The following ARHGAP26 variants were observed in gnomAD, a reference collection of about 807,000 sequenced individuals.
ARHGAP26 encodes the protein rho GTPase-activating protein 26.
ARHGAP26 carries 38 observed loss-of-function variants against 104.8 expected under a neutral mutation model. The observed-to-expected ratio is 0.36, with a 90% CI of 0.28 to 0.48. The LOEUF (loss-of-function observed/expected upper bound fraction) is 0.48. Ranked by LOEUF, ARHGAP26 falls within the 20% of genes least tolerant of loss-of-function variation. ARHGAP26 has a pLI of 0.99. For synonymous variants in ARHGAP26, 341 were observed against 340.0 expected, an observed-to-expected ratio of 1.00 and a Z score of -0.03; for missense variants, 704 against 947.9, an observed-to-expected ratio of 0.74 and a Z score of 3.38.
intron 20 of ARHGAP26, among the ~76,000 whole-genome samples, chr5:143,156,396 C>G (rs1800464908): frequency 6.6e-6 from 1 of 152,188 alleles, no homozygotes; most frequent in Non-Finnish European, 1.5e-5. Context: ...TTACACTGGT[C>G]TTCCAAGGCA....
rs528178799 is a variant in ARHGAP26 at position 142,812,487 on chromosome 5, G to A, written c.154+41572G>A. ...CGAGTAGCTGGGATTACAGGTGTGCGCCACCATGCCCGGCTAATTTTTGTA... is the reference window on the plus strand; with the variant it reads ...CGAGTAGCTGGGATTACAGGTGTGCACCACCATGCCCGGCTAATTTTTGTA... On this transcript the variant is annotated intron_variant, in intron 1 of 22. Transcript: ENST00000645722. Among the ~76,000 whole-genome samples, 148 of 152,062 alleles carry A rather than the reference G, an allele frequency of 9.7e-4. 1 individual carries two copies. Among genetic ancestry groups the A allele is most frequent in the African/African-American group, 3.4e-3 (142 of 41,486 alleles).
chr5:142,866,299 G>A (rs1024631282), intron 1 of ARHGAP26, among the ~76,000 whole-genome samples: 1 of 152,154 alleles, frequency 6.6e-6, no homozygotes, highest in Admixed American at 6.5e-5. Flanking sequence ...TAGTGTAGTA[G>A]TTAAGAGTTT....
At chr5:143,149,613 G>A (rs1366680712) in intron 20 of ARHGAP26, among the ~76,000 whole-genome samples, 6 of 152,184 alleles carry the variant, frequency 3.9e-5, no homozygotes, top group Admixed American at 2.0e-4. Flanking sequence ...TTGATTCTGA[G>A]AAATCTGTCG....
intron 17 of ARHGAP26, among the ~76,000 whole-genome samples, chr5:143,088,654 A>C (rs950522830): frequency 6.6e-6 from 1 of 152,226 alleles, no homozygotes; most frequent in Non-Finnish European, 1.5e-5. Context: ...TTTCTTTATA[A>C]TTCTCAGCAA....
chr5:143,105,041 G>A (rs1562433774), intron 17 of ARHGAP26, among the ~76,000 whole-genome samples: 1 of 151,870 alleles, frequency 6.6e-6, no homozygotes, highest in African/African-American at 2.4e-5. Flanking sequence ...TCCCCCTAAC[G>A]ATAGCACTGA....
In ARHGAP26 at chr5:143,225,560, C is replaced by G. The variant is rs911219689; in HGVS notation, c.*3114C>G. On this transcript the variant is annotated 3_prime_UTR_variant, in exon 23 of 23. Transcript: ENST00000645722. ...GGAGCTCATGTGGAGGAACAGAAGG[C>G]CAAGATCCTTGCTTTGGGGGTGCCT... 4 of 211,826 alleles carry G rather than the reference C, an allele frequency of 1.9e-5. No homozygotes were observed. The East Asian group carries it at 2.8e-4, about 15-fold the overall frequency. The allele number at this position is 211,826 out of a possible 1,614,324, so 13.1% of individuals were successfully genotyped here.
At chr5:143,222,125 A>C (rs1367715968) in intron 22 of ARHGAP26, among the ~76,000 whole-genome samples, 1 of 152,196 alleles carries the variant, frequency 6.6e-6, no homozygotes, top group Non-Finnish European at 1.5e-5. Flanking sequence ...ATTGTAAAGA[A>C]AGTTCAGGAC....
At chr5:142,962,046 C>T (rs55760974) in intron 11 of ARHGAP26, among the ~76,000 whole-genome samples, 1 of 152,150 alleles carries the variant, frequency 6.6e-6, no homozygotes, top group African/African-American at 2.4e-5. Context: ...GTGTTTGGTA[C>T]TGAGACTGAG....
At chr5:142,844,176 G>C (rs1006108412) in intron 1 of ARHGAP26, among the ~76,000 whole-genome samples, 6 of 150,666 alleles carry the variant, frequency 4.0e-5, no homozygotes, top group Admixed American at 1.3e-4. Flanking sequence ...TCAGCCTCCT[G>C]AGTAGCTGGG....
Position 142,865,139 on chromosome 5 carries a change from C to T in ARHGAP26, c.155-8261C>T, listed in dbSNP as rs1016088998. Among the ~76,000 whole-genome samples, 4 of 152,230 alleles carry T rather than the reference C, an allele frequency of 2.6e-5. No homozygotes were observed. In the South Asian group the frequency reaches 6.2e-4, roughly 24 times the overall value. Reference sequence around the variant, plus strand: ...CATGTGAATGCAGTTGTTCTAAATACAGTACCTCAGTTCTCTGTGCCAGGG... The same window carrying T: ...CATGTGAATGCAGTTGTTCTAAATATAGTACCTCAGTTCTCTGTGCCAGGG... On this transcript the variant is annotated intron_variant, in intron 1 of 22. Coordinates refer to ENST00000645722, the MANE Select transcript of ARHGAP26 (RefSeq NM_001135608.3).
chr5:143,037,821 C>T (rs1782873803), intron 13 of ARHGAP26, among the ~76,000 whole-genome samples: 1 of 152,192 alleles, frequency 6.6e-6, no homozygotes. Context: ...CACAGACACC[C>T]TAAATTTTCT....
intron 1 of ARHGAP26, among the ~76,000 whole-genome samples, chr5:142,856,243 C>T (rs1597928556): frequency 6.6e-6 from 1 of 152,150 alleles, no homozygotes; most frequent in Admixed American, 6.5e-5. Context: ...GGGCCATGTG[C>T]GTGAAGCCAC....
intron 1 of ARHGAP26, among the ~76,000 whole-genome samples, chr5:142,844,473 C>T (rs975758970): frequency 6.6e-6 from 1 of 151,484 alleles, no homozygotes; most frequent in Non-Finnish European, 1.5e-5. Context: ...AAGTTCAGGA[C>T]AATTTCCCAA....
At chr5:142,963,251 A>C (rs1770725986) in intron 11 of ARHGAP26, among the ~76,000 whole-genome samples, 1 of 140,926 alleles carries the variant, frequency 7.1e-6, no homozygotes, top group African/African-American at 2.8e-5. Flanking sequence ...ATTTTCTTTA[A>C]CCTGTCATTG....
intron 8 of ARHGAP26, 86 bp downstream of exon 8, chr5:142,903,755 A>G: frequency 4.4e-6 from 6 of 1,367,294 alleles, no homozygotes; most frequent in Non-Finnish European, 5.9e-6. Flanking sequence ...TGCCTACCTT[A>G]CTGTAGATAC....
chr5:142,972,908 A>G (rs894040087), intron 11 of ARHGAP26, among the ~76,000 whole-genome samples: 4 of 150,442 alleles, frequency 2.7e-5, no homozygotes, highest in Admixed American at 2.6e-4. Flanking sequence ...ATCATGCAAT[A>G]TTGTTATTAT....
At chr5:142,960,878 C>T (rs967183869) in intron 11 of ARHGAP26, among the ~76,000 whole-genome samples, 1 of 152,164 alleles carries the variant, frequency 6.6e-6, no homozygotes, top group Non-Finnish European at 1.5e-5. Context: ...CTTCAGTGTT[C>T]TTCAGTTTTT....
At chr5:142,967,626 A>G (rs1341914059) in intron 11 of ARHGAP26, among the ~76,000 whole-genome samples, 2 of 152,226 alleles carry the variant, frequency 1.3e-5, no homozygotes, top group Non-Finnish European at 2.9e-5. Flanking sequence ...CTAAAAATAC[A>G]TCAGTATTCT....
At chr5:143,078,638 A>T (rs971299313) in intron 17 of ARHGAP26, among the ~76,000 whole-genome samples, 4 of 152,242 alleles carry the variant, frequency 2.6e-5, no homozygotes, top group Non-Finnish European at 5.9e-5. Flanking sequence ...GAGACAATTG[A>T]CAATTGCTTC....
Sources: allele counts gnomAD v4.1 joint callset (sites outside exome capture counted in the v4.1 genomes callset), GRCh38; gene constraint gnomAD v4.1.1; transcripts MANE v1.5; gene names NCBI Gene and HGNC (gene_info 2026-07-23, HGNC 2026-07-21).